The following NUDCD3 variants were observed in gnomAD, a reference collection of about 807,000 sequenced individuals.
NUDCD3 encodes the protein NudC domain containing 3, also known as nudC domain-containing protein 3.
Under a neutral mutation model 39.7 loss-of-function variants are expected in NUDCD3, and 13 were observed. The ratio of observed to expected loss-of-function variants is 0.33; its 90% CI spans 0.21 to 0.52. The LOEUF is 0.52. NUDCD3 is among the 20% of genes least tolerant of loss of function. The pLI is 0.96. For missense variants in NUDCD3, 453 were observed against 458.1 expected, an observed-to-expected ratio of 0.99 and a Z score of 0.10; for synonymous variants, 175 against 172.4, an observed-to-expected ratio of 1.02 and a Z score of -0.12.
At position 44,468,410 on chromosome 7, in the gene NUDCD3, T is replaced by C. The variant is rs115664476; in HGVS notation, c.509+16558A>G. On this transcript the variant is annotated intron_variant, in intron 2 of 5. Coordinates refer to ENST00000355451, the MANE Select transcript of NUDCD3 (RefSeq NM_015332.4). Reference sequence around the variant, plus strand: ...GGCCCAGGGAGACGAAAGAATTTGTTTGTTCAATGCCAGACAGCTTATCAG... The same window carrying C: ...GGCCCAGGGAGACGAAAGAATTTGTCTGTTCAATGCCAGACAGCTTATCAG... 1,190 of 877,508 alleles carry C rather than the reference T, an allele frequency of 1.4e-3. 15 individuals carry two copies. The African/African-American group carries it at 0.018, about 13-fold the overall frequency. 54.4% of individuals were successfully genotyped at this position (877,508 alleles called of 1,614,324 possible). A position where few individuals can be genotyped will look rare whatever the true frequency, so the allele number is the denominator to read the frequency against.
At chr7:44,406,746 G>C (rs1798828085) in intron 3 of NUDCD3, among the ~76,000 whole-genome samples, 1 of 152,136 alleles carries the variant, frequency 6.6e-6, no homozygotes, top group Admixed American at 6.5e-5. Context: ...GGCATAATAG[G>C]CATGAAGAGA....
At chr7:44,482,842 T>C (rs957547836) in intron 2 of NUDCD3, among the ~76,000 whole-genome samples, 1 of 152,046 alleles carries the variant, frequency 6.6e-6, no homozygotes, top group Non-Finnish European at 1.5e-5. Context: ...CTTTAAACTA[T>C]TGTAAGTATA....
intron 4 of NUDCD3, among the ~76,000 whole-genome samples, chr7:44,400,982 T>A (rs1798711626): frequency 6.6e-6 from 1 of 152,208 alleles, no homozygotes. Context: ...CCATTCCCAG[T>A]GCCTGCACAG....
chr7:44,436,823 C>G lies in NUDCD3; in HGVS notation c.510-9120G>C, dbSNP rs766991194. ...TGGATAAGAATTATTTGTTGGTTTACAGTTTACAAATTCTTTCTAGTTATA... is the reference window on the plus strand; with the variant it reads ...TGGATAAGAATTATTTGTTGGTTTAGAGTTTACAAATTCTTTCTAGTTATA... On this transcript the variant is annotated intron_variant, in intron 2 of 5. Coordinates refer to ENST00000355451, the MANE Select transcript of NUDCD3 (RefSeq NM_015332.4). Among the ~76,000 whole-genome samples the G allele has an allele frequency of 2.0e-5, 3 of 152,106 alleles. No individual in the cohort carries two copies. The South Asian group carries it at 6.2e-4, about 31-fold the overall frequency.
chr7:44,465,214 A>G (rs922934031), intron 2 of NUDCD3, among the ~76,000 whole-genome samples: 1 of 152,252 alleles, frequency 6.6e-6, no homozygotes, highest in African/African-American at 2.4e-5. Context: ...ATTACTATAA[A>G]GAAACTTTTA....
At chr7:44,415,286 T>C (rs529439415) in intron 3 of NUDCD3, among the ~76,000 whole-genome samples, 1 of 152,180 alleles carries the variant, frequency 6.6e-6, no homozygotes, top group African/African-American at 2.4e-5. Context: ...CACAAAAACA[T>C]CTGTCATTAA....
intron 2 of NUDCD3, among the ~76,000 whole-genome samples, chr7:44,472,645 G>T (rs973885736): frequency 1.3e-5 from 2 of 152,160 alleles, no homozygotes; most frequent in Non-Finnish European, 2.9e-5. Context: ...ACAAAATAGC[G>T]TTGTGCTAAC....
chr7:44,476,071 G>A (rs965566931), intron 2 of NUDCD3, among the ~76,000 whole-genome samples: 1 of 152,140 alleles, frequency 6.6e-6, no homozygotes, highest in Non-Finnish European at 1.5e-5. Context: ...AGGGGATTCT[G>A]ATTAAGCCCC....
intron 2 of NUDCD3, among the ~76,000 whole-genome samples, chr7:44,444,304 C>G (rs150256613): frequency 6.3e-4 from 96 of 152,300 alleles, no homozygotes; most frequent in African/African-American, 2.2e-3. Context: ...AGCAGCCCCT[C>G]TGCCCCTCTT....
chr7:44,420,878 C>G (rs1054817153), intron 3 of NUDCD3, among the ~76,000 whole-genome samples: 6 of 152,180 alleles, frequency 3.9e-5, no homozygotes, highest in African/African-American at 1.4e-4. Flanking sequence ...AAAACCGGTA[C>G]CAGCCACTGC....
At chr7:44,425,003 G>A (rs1799207372) in intron 3 of NUDCD3, among the ~76,000 whole-genome samples, 1 of 152,196 alleles carries the variant, frequency 6.6e-6, no homozygotes, top group Non-Finnish European at 1.5e-5. Flanking sequence ...GTACATGGAT[G>A]AAGCTGGAAA....
chr7:44,418,942 A>G (rs1204388938), intron 3 of NUDCD3, among the ~76,000 whole-genome samples: 1 of 152,136 alleles, frequency 6.6e-6, no homozygotes, highest in Non-Finnish European at 1.5e-5. Flanking sequence ...TCGTGTGCCT[A>G]CACCACCAGG....
At chr7:44,447,833 A>G (rs1799715209) in intron 2 of NUDCD3, among the ~76,000 whole-genome samples, 1 of 152,186 alleles carries the variant, frequency 6.6e-6, no homozygotes, top group African/African-American at 2.4e-5. Flanking sequence ...AGGGAATAAG[A>G]AAAAGGGACA....
intron 3 of NUDCD3, among the ~76,000 whole-genome samples, chr7:44,410,014 T>C (rs537830395): frequency 1.3e-4 from 19 of 151,774 alleles, no homozygotes; most frequent in African/African-American, 4.6e-4. Flanking sequence ...GAAAAAACAG[T>C]GAAGAAAAAT....
intron 5 of NUDCD3, among the ~76,000 whole-genome samples, chr7:44,386,490 A>G (rs950758187): frequency 2.6e-5 from 4 of 152,218 alleles, no homozygotes; most frequent in African/African-American, 9.6e-5. Flanking sequence ...TAAGGCATTA[A>G]GAGGGAGTGT....
At chr7:44,437,925 G>C (rs1222846491) in intron 2 of NUDCD3, among the ~76,000 whole-genome samples, 1 of 152,142 alleles carries the variant, frequency 6.6e-6, no homozygotes, top group Non-Finnish European at 1.5e-5. Context: ...ATGGAAGTTT[G>C]TACAGTGAGT....
chr7:44,473,815 TACAA>T (rs918014671), intron 2 of NUDCD3, among the ~76,000 whole-genome samples: 2 of 151,618 alleles, frequency 1.3e-5, no homozygotes, highest in Non-Finnish European at 2.9e-5. Flanking sequence ...TAGTGGGAAA[TACAA>T]ACAAACAACT....
intron 1 of NUDCD3, among the ~76,000 whole-genome samples, chr7:44,488,707 G>C (rs1000947450): frequency 6.6e-6 from 1 of 152,152 alleles, no homozygotes; most frequent in Non-Finnish European, 1.5e-5. Flanking sequence ...AGTCACCCAA[G>C]TTGAAACCTT....
chr7:44,463,986 G>A (rs1294881723), intron 2 of NUDCD3, among the ~76,000 whole-genome samples: 1 of 152,098 alleles, frequency 6.6e-6, no homozygotes, highest in Non-Finnish European at 1.5e-5. Flanking sequence ...GGCTGCGGCA[G>A]GTGGATCATC....
Sources: gnomAD v4.1 joint callset for allele counts (sites outside exome capture counted in the v4.1 genomes callset) on GRCh38, gnomAD v4.1.1 for gene constraint, MANE v1.5 for transcripts, NCBI Gene and HGNC (gene_info 2026-07-23, HGNC 2026-07-21) for gene names.